C1orf105: variants seen among roughly 807,000 people sequenced by gnomAD.
C1orf105 encodes uncharacterized protein C1orf105.
C1orf105 carries 17 observed loss-of-function variants against 20.8 expected under a neutral mutation model. The observed-to-expected ratio is 0.82, with a 90% CI of 0.56 to 1.23. C1orf105 has a LOEUF of 1.23. Ranked by LOEUF, C1orf105 falls within the 50% of genes most tolerant of loss-of-function variation. The pLI, the probability that C1orf105 is intolerant of heterozygous loss-of-function variation, is 0.00. For synonymous variants in C1orf105, 72 were observed against 72.1 expected (o/e 1.00, Z 0.01); for missense variants, 219 against 213.5 (o/e 1.03, Z -0.16).
chr1:172,463,533 T>C (rs1649839187), intron 5 of C1orf105, among the ~76,000 whole-genome samples: 1 of 152,208 alleles, frequency 6.6e-6, no homozygotes, highest in Non-Finnish European at 1.5e-5. Context: ...AACATTTACC[T>C]GTACTGACTC....
rs946898167 is a variant in C1orf105 at position 172,462,172 on chromosome 1, C to T, written c.274-6C>T. 1 of 1,605,202 alleles carries T rather than the reference C, an allele frequency of 6.2e-7. No individual in the cohort carries two copies. On this transcript the variant is annotated splice_region_variant and splice_polypyrimidine_tract_variant and intron_variant, in intron 4 of 6. Transcript: ENST00000367727. ...GCAACGTTCTAAATGAGACTTTCTTCTTGAGGTACAACCAAGAACAATGAA... is the reference window on the plus strand; with the variant it reads ...GCAACGTTCTAAATGAGACTTTCTTTTTGAGGTACAACCAAGAACAATGAA...
rs141501722 is a variant in C1orf105, at chr1:172,465,310, A to C, written c.353A>C (p.His118Pro). The stretch of plus-strand genomic sequence containing the variant: ...TTTCTTCCAATCAGAATGAGTCTTC[A>C]TCAACCCAAATTCCAGACTACACCT... Reference protein sequence around the residue: ...ENCMSYRMSLHQPKFQTTPEP... With the variant: ...ENCMSYRMSLPQPKFQTTPEP... The change falls in exon 6 of 7, where the codon CAT (histidine) becomes CCT (proline). Residue 118 changes from histidine to proline, a missense_variant. Coordinates refer to ENST00000367727, the MANE Select transcript of C1orf105 (RefSeq NM_139240.4). 187 of 1,612,880 alleles carry C rather than the reference A, an allele frequency of 1.2e-4. 2 individuals are homozygous for C. The Middle Eastern group carries it at 2.6e-3, about 23-fold the overall frequency.
intron 4 of C1orf105, among the ~76,000 whole-genome samples, chr1:172,459,209 T>C (rs1310522185): frequency 6.6e-6 from 1 of 152,144 alleles, no homozygotes; most frequent in Non-Finnish European, 1.5e-5. Flanking sequence ...ATAAAAATTT[T>C]AAACTTTTGT....
intron 1 of C1orf105, among the ~76,000 whole-genome samples, chr1:172,439,324 G>A (rs1356821839): frequency 1.3e-5 from 2 of 152,112 alleles, no homozygotes; most frequent in Non-Finnish European, 2.9e-5. Flanking sequence ...AGCACTCTCA[G>A]ATTTCAGTCC....
At chr1:172,425,469 T>C in intron 1 of C1orf105, among the ~76,000 whole-genome samples, 1 of 152,042 alleles carries the variant, frequency 6.6e-6, no homozygotes, top group African/African-American at 2.4e-5. Context: ...AAGCAAAAAG[T>C]ATAGGCGTGG....
rs758808192 is a variant in C1orf105, at chr1:172,468,535, G to A, written c.493G>A (p.Glu165Lys). ...LLTEAYKTLK[E>K]RQRSSLPRKE... is the part of the protein sequence containing the mutation. Reference sequence around the variant, plus strand: ...GACAGAGGCCTACAAAACTCTAAAAGAGAGACAACGTTCTTCCTTGCCCAG... The same window carrying A: ...GACAGAGGCCTACAAAACTCTAAAAAAGAGACAACGTTCTTCCTTGCCCAG... The change falls in exon 7 of 7, where the codon GAG becomes AAG. Residue 165 changes from glutamate (E) to lysine (K), a missense_variant. By Grantham distance (56) the Glu-to-Lys change is moderately conservative. Coordinates refer to ENST00000367727, the MANE Select transcript of C1orf105 (RefSeq NM_139240.4). 13 of 1,613,898 alleles carry A rather than the reference G, an allele frequency of 8.1e-6. No homozygotes were observed. The highest frequency in any genetic ancestry group is 6.7e-5 in the Admixed American group (4 of 60,000).
rs562860074 is a variant in C1orf105 at position 172,444,865 on chromosome 1, A to G, written c.22-208A>G. On this transcript the variant is annotated intron_variant, in intron 1 of 6. Coordinates refer to ENST00000367727, the MANE Select transcript of C1orf105 (RefSeq NM_139240.4). Reference sequence around the variant, plus strand: ...CTAGCTCAGTGACTCAAGGCAAATCACACTACCTGAGCTTTGATTTCTTCA... The same window carrying G: ...CTAGCTCAGTGACTCAAGGCAAATCGCACTACCTGAGCTTTGATTTCTTCA... Among the ~76,000 whole-genome samples, 7 of 152,376 alleles carry G rather than the reference A, an allele frequency of 4.6e-5. No homozygotes were observed. The South Asian group carries it at 1.4e-3, about 32-fold the overall frequency.
intron 1 of C1orf105, among the ~76,000 whole-genome samples, chr1:172,434,643 A>C (rs998605809): frequency 1.3e-5 from 2 of 151,622 alleles, no homozygotes; most frequent in Non-Finnish European, 2.9e-5. Context: ...TGCCCACAAG[A>C]AAAGCAGGAA....
Position 172,420,844 on chromosome 1 carries a change from G to T in C1orf105, c.-42G>T, listed in dbSNP as rs546221210. ...CAGTGAGGGGAGCTAGGTTTCCCCA[G>T]TCTCCAGCTAGAAAAACTCAGAACA... On this transcript the variant is annotated 5_prime_UTR_variant, in exon 1 of 7. Transcript: ENST00000367727. 2 of 1,605,360 alleles carry T rather than the reference G, an allele frequency of 1.2e-6. No homozygotes were observed. The highest frequency in any genetic ancestry group is 1.1e-5 in the South Asian group (1 of 90,718).
intron 1 of C1orf105, among the ~76,000 whole-genome samples, chr1:172,434,814 G>C (rs1230572723): frequency 6.7e-6 from 1 of 148,766 alleles, no homozygotes; most frequent in African/African-American, 2.4e-5. Context: ...CCAGGAGCTG[G>C]TTTTTTGAAA....
chr1:172,435,142 A>G (rs897318542), intron 1 of C1orf105, among the ~76,000 whole-genome samples: 2 of 152,226 alleles, frequency 1.3e-5, no homozygotes, highest in African/African-American at 4.8e-5. Context: ...GACCAGATGG[A>G]TTCACAGCCG....
chr1:172,456,442 C>T lies in C1orf105; in HGVS notation c.226C>T (p.Leu76=). 1 of 1,613,548 alleles carries T rather than the reference C, an allele frequency of 6.2e-7. No homozygotes were observed. The highest frequency in any genetic ancestry group is 8.5e-7 in the Non-Finnish European group (1 of 1,180,010). ...CAGGAGGAACCAGTGTGACTCCATG[C>T]TGCTCAGAAACCAACAGCTGTGCTC... ...KARRNQCDSM[L]LRNQQLCSTC... is the part of the protein sequence containing the mutation. Residue 76 remains leucine, a synonymous_variant, in exon 4 of 7, where the codon CTG becomes TTG. Coordinates refer to ENST00000367727, the MANE Select transcript of C1orf105 (RefSeq NM_139240.4).
chr1:172,463,452 C>T (rs990827990), intron 5 of C1orf105, among the ~76,000 whole-genome samples: 2 of 152,184 alleles, frequency 1.3e-5, no homozygotes, highest in African/African-American at 4.8e-5. Context: ...AACATGCACC[C>T]AGTTCCTGGC....
intron 3 of C1orf105, among the ~76,000 whole-genome samples, chr1:172,450,478 C>T (rs1648499783): frequency 6.6e-6 from 1 of 152,234 alleles, no homozygotes; most frequent in South Asian, 2.1e-4. Flanking sequence ...ATTCAGCTGG[C>T]AGCTGCTCCC....
chr1:172,451,293 G>T (rs1026491523), intron 3 of C1orf105, among the ~76,000 whole-genome samples: 2 of 152,178 alleles, frequency 1.3e-5, no homozygotes, highest in Admixed American at 1.3e-4. Context: ...ATCTGGGTTT[G>T]TTCTTCCAGT....
intron 3 of C1orf105, among the ~76,000 whole-genome samples, chr1:172,449,850 T>TC (rs1299334292): frequency 6.6e-6 from 1 of 152,148 alleles, no homozygotes; most frequent in Non-Finnish European, 1.5e-5. Flanking sequence ...CAAGAAGCCT[T>TC]CCAGTCATCA....
chr1:172,443,485 C>T (rs1160631372), intron 1 of C1orf105: 1 of 167,098 alleles, frequency 6.0e-6, no homozygotes, highest in Non-Finnish European at 1.5e-5. Context: ...ATTAGCTGAG[C>T]TTAGCATCCT....
At chr1:172,464,943 G>A (rs922043272) in intron 5 of C1orf105, among the ~76,000 whole-genome samples, 4 of 152,134 alleles carry the variant, frequency 2.6e-5, no homozygotes, top group African/African-American at 9.7e-5. Context: ...AGCACTTTGG[G>A]AGGCTGAGGC....
At chr1:172,465,199 A>G (rs1027401869) in intron 5 of C1orf105, 100 bp from the exon 6 acceptor site, 2 of 465,714 alleles carry the variant, frequency 4.3e-6, no homozygotes, top group African/African-American at 4.2e-5. Flanking sequence ...ATAATAATAA[A>G]TAATAATAAA....
Sources: gnomAD v4.1 joint callset for allele counts (sites outside exome capture counted in the v4.1 genomes callset) on GRCh38, gnomAD v4.1.1 for gene constraint, MANE v1.5 for transcripts, NCBI Gene and HGNC (gene_info 2026-07-23, HGNC 2026-07-21) for gene names.